The following NPR2 variants were observed in gnomAD, a reference collection of about 807,000 sequenced individuals.
NPR2 encodes natriuretic peptide receptor 2.
NPR2 carries 49 observed loss-of-function variants against 120.7 expected under a neutral mutation model. That is an observed-to-expected ratio of 0.41 (90% CI 0.32 to 0.52). The LOEUF (loss-of-function observed/expected upper bound fraction) is 0.52. NPR2 is among the 20% of genes least tolerant of loss of function. NPR2 has a pLI of 0.36. For missense variants in NPR2, 931 were observed against 1,362.9 expected (o/e 0.68, Z 4.99); for synonymous variants, 484 against 519.8 (o/e 0.93, Z 0.94).
Position 35,802,370 on chromosome 9 carries a change from G to C in NPR2, c.1710+87G>C, listed in dbSNP as rs1426556800. Reference sequence around the variant, plus strand: ...TAGTAAAATTGGCTAGATGGGCAAGGGGTTGATTTATAAATGATTTTAAAA... The same window carrying C: ...TAGTAAAATTGGCTAGATGGGCAAGCGGTTGATTTATAAATGATTTTAAAA... On this transcript the variant is annotated intron_variant, in intron 10 of 21. Coordinates refer to ENST00000342694, the MANE Select transcript of NPR2 (RefSeq NM_003995.4). The surrounding 1 kb of genome is among the most constrained non-coding windows in gnomAD (Gnocchi z 4.2). 2 of 993,600 alleles carry C rather than the reference G, an allele frequency of 2.0e-6. No individual in the cohort carries two copies. Among genetic ancestry groups the C allele is most frequent in the Non-Finnish European group, 1.6e-6 (1 of 618,318 alleles). 61.5% of individuals were successfully genotyped at this position (993,600 alleles called of 1,614,324 possible). A position where few individuals can be genotyped will look rare whatever the true frequency, so the allele number is the denominator to read the frequency against.
In NPR2 at chr9:35,792,475, C is replaced by G. The variant is rs1263762640; in HGVS notation, c.67C>G (p.Arg23Gly). 2 of 1,610,584 alleles carry G rather than the reference C, an allele frequency of 1.2e-6. No homozygotes were observed. The highest frequency in any genetic ancestry group is 3.3e-5 in the Admixed American group (2 of 59,992). Residue 23 changes from arginine (R) to glycine (G), a missense_variant, in exon 1 of 22, where the codon CGG becomes GGG. Around this residue, in one of 3 missense-constraint regions of NPR2, gnomAD observed 681 missense variants for 974.3 expected, o/e 0.70. Coordinates refer to ENST00000342694, the MANE Select transcript of NPR2 (RefSeq NM_003995.4). ...LAGGVRPPGA[R>G]NLTLAVVLPE... ...AGGTGGGGTGCGTCCTCCCGGGGCG[C>G]GGAACCTGACGCTGGCGGTGGTGCT...
At position 35,800,553 on chromosome 9, in the gene NPR2, C is replaced by T. The variant is rs1053720867; in HGVS notation, c.1218+70C>T. ...CCAGCTTTCAAGGGTTCAGTCGGGG[C>T]AGAACCAAAACTACTAGATGAGGGA... is the stretch of plus-strand genomic sequence containing the variant. On this transcript the variant is annotated intron_variant, in intron 5 of 21. Transcript: ENST00000342694. The surrounding 1 kb of genome is among the most constrained non-coding windows in gnomAD (Gnocchi z 4.7). The T allele has an allele frequency of 1.9e-6, 3 of 1,568,824 alleles. No homozygotes were observed. The highest frequency in any genetic ancestry group is 2.6e-6 in the Non-Finnish European group (3 of 1,139,814).
rs1001946448 is a variant in NPR2, at chr9:35,802,638, G to A, written c.1815+31G>A. ...GGATAGGTGTAGGAGATTATGGCAG[G>A]GGTGGGAAGGATAGACCCAAAGTTA... On this transcript the variant is annotated intron_variant, in intron 11 of 21. Transcript: ENST00000342694. The surrounding 1 kb of genome is among the most constrained non-coding windows in gnomAD (Gnocchi z 4.2). 5 of 1,489,102 alleles carry A rather than the reference G, an allele frequency of 3.4e-6. No individual in the cohort carries two copies. The African/African-American group carries it at 6.9e-5, about 21-fold the overall frequency. 92.2% of individuals were successfully genotyped at this position (1,489,102 alleles called of 1,614,324 possible). A position where few individuals can be genotyped will look rare whatever the true frequency, so the allele number is the denominator to read the frequency against.
chr9:35,809,299 T>C lies in NPR2; in HGVS notation c.3078+52T>C. The C allele has an allele frequency of 6.2e-7, 1 of 1,609,948 alleles. No individual in the cohort carries two copies. The highest frequency in any genetic ancestry group is 2.2e-5 in the East Asian group (1 of 44,858). On this transcript the variant is annotated intron_variant, in intron 21 of 21. Transcript: ENST00000342694. This position sits in a 1 kb window ranked among gnomAD's most constrained non-coding sequence, Gnocchi z 4.1. ...CATGGAAAGGGAGGGTGAAAGTGAT[T>C]ATGGGAATCATAGGGAAAGAGAGGG...
At chr9:35,794,133 G>A (rs1275035704) in intron 2 of NPR2, 30 bp downstream of exon 2, 1 of 1,598,654 alleles carries the variant, frequency 6.3e-7, no homozygotes, top group South Asian at 1.1e-5. Context: ...TGAAGGAGGA[G>A]GGGGAAGAGG....
chr9:35,809,149 A>G lies in NPR2; in HGVS notation c.2987-7A>G, dbSNP rs778129219. On this transcript the variant is annotated splice_polypyrimidine_tract_variant and splice_region_variant and intron_variant, in intron 20 of 21. Coordinates refer to ENST00000342694, the MANE Select transcript of NPR2 (RefSeq NM_003995.4). The surrounding 1 kb of genome is among the most constrained non-coding windows in gnomAD (Gnocchi z 4.1). ...TTCCACCATCCTCCCCATTCCACCC[A>G]CCCCAGCGCTGAAGATCCATGTCTC... 1 of 1,611,988 alleles carries G rather than the reference A, an allele frequency of 6.2e-7. No individual in the cohort carries two copies. The highest frequency in any genetic ancestry group is 8.5e-7 in the Non-Finnish European group (1 of 1,178,698).
Position 35,792,495 on chromosome 9 carries a change from G to T in NPR2, c.87G>T (p.Val29=). The T allele has an allele frequency of 6.2e-7, 1 of 1,610,452 alleles. No individual in the cohort carries two copies. The part of the protein sequence containing the change: ...PPGARNLTLA[V]VLPEHNLSYA... ...GGGCGCGGAACCTGACGCTGGCGGT[G>T]GTGCTGCCAGAACACAACCTGAGCT... The change falls in exon 1 of 22, where the codon GTG becomes GTT. Residue 29 remains valine, a synonymous_variant. Coordinates refer to ENST00000342694, the MANE Select transcript of NPR2 (RefSeq NM_003995.4).
In NPR2 at chr9:35,802,095, G is replaced by C. The variant is rs2890702; in HGVS notation, c.1632+95G>C. 293,165 of 1,351,810 alleles carry C rather than the reference G, an allele frequency of 0.22. 35,266 individuals carry two copies. The highest frequency in any genetic ancestry group is 0.45 in the African/African-American group (31,579 of 69,542). 83.7% of individuals were successfully genotyped at this position (1,351,810 alleles called of 1,614,324 possible). A position where few individuals can be genotyped will look rare whatever the true frequency, so the allele number is the denominator to read the frequency against. ...CCCTGAACCTCTGTCCCTCATACCC[G>C]ACTCTCTGTGCCCAGCTGAGCTCCT... On this transcript the variant is annotated intron_variant, in intron 9 of 21. Coordinates refer to ENST00000342694, the MANE Select transcript of NPR2 (RefSeq NM_003995.4). The surrounding 1 kb of genome is among the most constrained non-coding windows in gnomAD (Gnocchi z 4.2).
Position 35,793,930 on chromosome 9 carries a change from C to T in NPR2, c.700C>T (p.His234Tyr), listed in dbSNP as rs1319643121. The T allele has an allele frequency of 6.2e-7, 1 of 1,614,178 alleles. No individual in the cohort carries two copies. The highest frequency in any genetic ancestry group is 1.1e-5 in the South Asian group (1 of 91,084). Residue 234 changes from histidine to tyrosine, a missense_variant, in exon 2 of 22, where the codon CAT becomes TAT. Transcript: ENST00000342694. ...TATCTGCGGCCCTCTGGAGATGCTG[C>T]ATGAGATCCTGCTTCAGGCCCAGAG... ...VYICGPLEML[H>Y]EILLQAQREN...
Position 35,800,293 on chromosome 9 carries a change from C to CG in NPR2, c.1124-92dup. The CG allele has an allele frequency of 7.1e-7, 1 of 1,410,348 alleles. No individual in the cohort carries two copies. Among genetic ancestry groups the CG allele is most frequent in the Non-Finnish European group, 1.0e-6 (1 of 994,570 alleles). 87.4% of individuals were successfully genotyped at this position (1,410,348 alleles called of 1,614,324 possible). On this transcript the variant is annotated intron_variant, in intron 4 of 21. Coordinates refer to ENST00000342694, the MANE Select transcript of NPR2 (RefSeq NM_003995.4). This position sits in a 1 kb window ranked among gnomAD's most constrained non-coding sequence, Gnocchi z 4.7. The stretch of plus-strand genomic sequence containing the variant: ...GGCAGAGTTGCCCACACCTCAAGAT[C>CG]GGGGAAGGGTAGACTCTGAGGGAGC...
At chr9:35,807,248 C>T (rs1828447188) in intron 17 of NPR2, 82 bp from the exon 18 acceptor site, 1 of 1,499,952 alleles carries the variant, frequency 6.7e-7, no homozygotes, top group Non-Finnish European at 9.3e-7. Context: ...AGAGTTCCCA[C>T]ATCTTTTGAT....
rs990242395 is a variant in NPR2 at position 35,808,434 on chromosome 9, A to T, written c.2713-75A>T. The T allele has an allele frequency of 1.3e-6, 2 of 1,516,794 alleles. No individual in the cohort carries two copies. Among genetic ancestry groups the T allele is most frequent in the Non-Finnish European group, 1.8e-6 (2 of 1,094,680 alleles). 94.0% of individuals were successfully genotyped at this position (1,516,794 alleles called of 1,614,324 possible). A position where few individuals can be genotyped will look rare whatever the true frequency, so the allele number is the denominator to read the frequency against. On this transcript the variant is annotated intron_variant, in intron 18 of 21. Coordinates refer to ENST00000342694, the MANE Select transcript of NPR2 (RefSeq NM_003995.4). This position sits in a 1 kb window ranked among gnomAD's most constrained non-coding sequence, Gnocchi z 4.0. The stretch of plus-strand genomic sequence containing the variant: ...GTCAGGATGATTAATGATGGTGTCA[A>T]GCTTGTCTCCCTCTACTTTTTCCCA...
chr9:35,807,500 G>C (rs958979938), intron 18 of NPR2, 102 bp downstream of exon 18: 12 of 943,120 alleles, frequency 1.3e-5, no homozygotes, highest in Non-Finnish European at 2.1e-5. Context: ...CCCATGATCA[G>C]TTTTCCCTCC....
Position 35,809,441 on chromosome 9 carries a change from T to C in NPR2, c.3140T>C (p.Leu1047Pro). Reference sequence around the variant, plus strand: ...GAGCGGAAAGGACCTCCTGGACTCCTGTAAACCCCCATTCTTTCCAAGTCA... The same window carrying C: ...GAGCGGAAAGGACCTCCTGGACTCCCGTAAACCCCCATTCTTTCCAAGTCA... ...LGERKGPPGL[L>P] The change falls in exon 22 of 22, where the codon CTG (leucine) becomes CCG (proline). Residue 1047 changes from leucine to proline, a missense_variant. Transcript: ENST00000342694. This position sits in a 1 kb window ranked among gnomAD's most constrained non-coding sequence, Gnocchi z 4.1. The C allele has an allele frequency of 2.5e-6, 4 of 1,614,232 alleles. No individual in the cohort carries two copies. The highest frequency in any genetic ancestry group is 2.5e-6 in the Non-Finnish European group (3 of 1,180,044).
intron 12 of NPR2, among the ~76,000 whole-genome samples, chr9:35,804,480 G>T (rs1828290344): frequency 6.6e-6 from 1 of 152,156 alleles, no homozygotes; most frequent in Admixed American, 6.5e-5. Flanking sequence ...CAATCTGCCA[G>T]CCTTGGCCTC....
intron 1 of NPR2, 57 bp from the exon 2 acceptor site, chr9:35,793,841 G>A: frequency 1.3e-6 from 2 of 1,545,162 alleles, no homozygotes; most frequent in Non-Finnish European, 1.8e-6. Flanking sequence ...AGAGGGGGCT[G>A]TGTGGGGGAC....
At chr9:35,796,904 C>A (rs1827962084) in intron 2 of NPR2, among the ~76,000 whole-genome samples, 1 of 152,162 alleles carries the variant, frequency 6.6e-6, no homozygotes, top group African/African-American at 2.4e-5. Flanking sequence ...CCAGACCAGG[C>A]CAGCCTGGAA....
intron 7 of NPR2, 86 bp downstream of exon 7, chr9:35,801,240 G>A (rs978369928): frequency 6.3e-6 from 6 of 953,686 alleles, no homozygotes; most frequent in Non-Finnish European, 8.7e-6. Flanking sequence ...CTATAATGTG[G>A]GATAGGGTAG....
intron 12 of NPR2, among the ~76,000 whole-genome samples, chr9:35,804,643 A>T (rs1053323890): frequency 6.6e-6 from 1 of 152,164 alleles, no homozygotes; most frequent in Admixed American, 6.5e-5. Context: ...TCCATTTTCC[A>T]GGTTTATGAT....
Sources: gnomAD v4.1 joint callset for allele counts (sites outside exome capture counted in the v4.1 genomes callset) on GRCh38, gnomAD v4.1.1 for gene constraint, gnomAD v4.1.1 regional missense constraint, Gnocchi (gnomAD v3.1) non-coding constraint, MANE v1.5 for transcripts, NCBI Gene and HGNC (gene_info 2026-07-23, HGNC 2026-07-21) for gene names.